Variants in SNX24 observed in about 807,000 individuals in gnomAD.
SNX24 encodes the protein sorting nexin-24.
In SNX24, 22 loss-of-function variants were observed where a neutral mutation model predicts 28.7. The ratio of observed to expected loss-of-function variants is 0.77; its 90% CI spans 0.55 to 1.10. The LOEUF is 1.10. SNX24 is among the 50% of genes least tolerant of loss of function. The pLI is 0.00. For synonymous variants in SNX24, 69 were observed against 71.5 expected (o/e 0.96, Z 0.18); for missense variants, 221 against 201.1 (o/e 1.10, Z -0.60).
At chr5:123,006,118 G>A (rs879841149) in intron 6 of SNX24, among the ~76,000 whole-genome samples, 6 of 152,164 alleles carry the variant, frequency 3.9e-5, no homozygotes, top group Admixed American at 2.6e-4. Flanking sequence ...TTAAGTGGTC[G>A]ATCCAGGAAA....
At chr5:122,911,878 T>C (rs1183184048) in intron 1 of SNX24, among the ~76,000 whole-genome samples, 1 of 148,112 alleles carries the variant, frequency 6.8e-6, no homozygotes, top group African/African-American at 2.5e-5. Flanking sequence ...TGTAGCCTTG[T>C]AGTATAGTTT....
intron 1 of SNX24, among the ~76,000 whole-genome samples, chr5:122,889,711 A>G (rs553537198): frequency 2.1e-4 from 21 of 101,034 alleles, no homozygotes; most frequent in Admixed American, 5.9e-4. Flanking sequence ...ATATATATGT[A>G]TATATATATG....
At chr5:122,991,653 G>T (rs1364091003) in intron 3 of SNX24, among the ~76,000 whole-genome samples, 1 of 152,100 alleles carries the variant, frequency 6.6e-6, no homozygotes, top group Non-Finnish European at 1.5e-5. Context: ...TAGAGATGGG[G>T]CTTCTCCATG....
intron 2 of SNX24, among the ~76,000 whole-genome samples, chr5:122,943,316 A>C (rs1269194337): frequency 6.6e-6 from 1 of 151,544 alleles, no homozygotes; most frequent in African/African-American, 2.4e-5. Context: ...ATCCCGTTGT[A>C]CTCCTTCCTT....
At chr5:122,911,352 G>A (rs1757879891) in intron 1 of SNX24, among the ~76,000 whole-genome samples, 1 of 152,126 alleles carries the variant, frequency 6.6e-6, no homozygotes, top group Non-Finnish European at 1.5e-5. Flanking sequence ...TGAGTTCATT[G>A]TAGATTCTGG....
intron 3 of SNX24, among the ~76,000 whole-genome samples, chr5:122,976,645 C>A (rs972842544): frequency 6.6e-6 from 1 of 152,168 alleles, no homozygotes; most frequent in African/African-American, 2.4e-5. Flanking sequence ...GAATCCCTTG[C>A]CAGTGAGTTT....
At chr5:122,939,511 G>C (rs1759346302) in intron 2 of SNX24, among the ~76,000 whole-genome samples, 1 of 152,060 alleles carries the variant, frequency 6.6e-6, no homozygotes, top group African/African-American at 2.4e-5. Flanking sequence ...TTTAATTTTG[G>C]TTATGACATT....
chr5:122,908,752 G>A (rs1314242802), intron 1 of SNX24, among the ~76,000 whole-genome samples: 1 of 152,188 alleles, frequency 6.6e-6, no homozygotes, highest in Non-Finnish European at 1.5e-5. Flanking sequence ...AGAATATTAT[G>A]TAGCAGTAAA....
At chr5:122,921,008 G>A (rs1192433058) in intron 1 of SNX24, among the ~76,000 whole-genome samples, 4 of 152,108 alleles carry the variant, frequency 2.6e-5, no homozygotes, top group African/African-American at 9.7e-5. Context: ...TTACAGGCAT[G>A]AGCCACCATG....
chr5:123,006,600 G>A (rs1355129164), intron 6 of SNX24, among the ~76,000 whole-genome samples: 2 of 152,242 alleles, frequency 1.3e-5, no homozygotes, highest in Non-Finnish European at 2.9e-5. Context: ...TTCCCATTGA[G>A]TTTCAGATAA....
chr5:122,966,699 G>A (rs1760728215), intron 3 of SNX24, among the ~76,000 whole-genome samples: 1 of 152,052 alleles, frequency 6.6e-6, no homozygotes, highest in African/African-American at 2.4e-5. Context: ...TATAAACTAG[G>A]GTAGTTACTT....
chr5:122,882,507 C>T (rs1447860153), intron 1 of SNX24, among the ~76,000 whole-genome samples: 2 of 152,222 alleles, frequency 1.3e-5, no homozygotes, highest in Non-Finnish European at 2.9e-5. Flanking sequence ...CCCTCTAGGC[C>T]TTCCGGCCTT....
rs903778009 is a variant in SNX24 at position 122,956,058 on chromosome 5, CT to C, written c.249+9909del. Among the ~76,000 whole-genome samples, 64 of 149,092 alleles carry C rather than the reference CT, an allele frequency of 4.3e-4. No individual in the cohort carries two copies. The East Asian group carries it at 8.4e-3, about 20-fold the overall frequency. On this transcript the variant is annotated intron_variant, in intron 3 of 6. Transcript: ENST00000261369. ...TGGACAGAACAGGCTTTGGATGCAG[CT>C]TTTTTTTTTCTCTATCTCTGGGCAT...
chr5:122,944,995 G>T (rs1371009759), intron 2 of SNX24, among the ~76,000 whole-genome samples: 1 of 152,118 alleles, frequency 6.6e-6, no homozygotes, highest in East Asian at 1.9e-4. Flanking sequence ...CATAAATGTA[G>T]TGGCTTAAAA....
intron 1 of SNX24, among the ~76,000 whole-genome samples, chr5:122,887,757 C>T (rs1756780686): frequency 6.6e-6 from 1 of 152,174 alleles, no homozygotes; most frequent in Non-Finnish European, 1.5e-5. Flanking sequence ...GGCTGGAGTG[C>T]AATGGCGTGA....
At chr5:122,892,289 G>A (rs1041408819) in intron 1 of SNX24, among the ~76,000 whole-genome samples, 7 of 151,958 alleles carry the variant, frequency 4.6e-5, no homozygotes, top group African/African-American at 1.7e-4. Flanking sequence ...AAAGTTAGTT[G>A]TTATCTTACT....
intron 1 of SNX24, among the ~76,000 whole-genome samples, chr5:122,902,617 G>A (rs905940079): frequency 6.6e-6 from 1 of 152,158 alleles, no homozygotes; most frequent in Non-Finnish European, 1.5e-5. Context: ...GGGCTCAGAT[G>A]TTCCTTACAG....
At chr5:122,900,625 C>T (rs918230988) in intron 1 of SNX24, among the ~76,000 whole-genome samples, 5 of 151,900 alleles carry the variant, frequency 3.3e-5, no homozygotes, top group Non-Finnish European at 7.4e-5. Context: ...AAAAATCAGC[C>T]AGGTATGGTG....
At chr5:123,014,364 T>TTTTTG (rs1762645690) in intron 5 of SNX24, among the ~76,000 whole-genome samples, 1 of 96,896 alleles carries the variant, frequency 1.0e-5, no homozygotes, top group Non-Finnish European at 2.1e-5. Flanking sequence ...TTTTTTTTTG[T>TTTTTG]AGAGACAGGG....
Sources: gnomAD v4.1 joint callset for allele counts (sites outside exome capture counted in the v4.1 genomes callset) on GRCh38, gnomAD v4.1.1 for gene constraint, MANE v1.5 for transcripts, NCBI Gene and HGNC (gene_info 2026-07-23, HGNC 2026-07-21) for gene names.